The following MTHFD1L variants were observed in gnomAD, a reference collection of about 807,000 sequenced individuals.
MTHFD1L encodes monofunctional C1-tetrahydrofolate synthase, mitochondrial.
Under a neutral mutation model 119.5 loss-of-function variants are expected in MTHFD1L, and 81 were observed. That is an observed-to-expected ratio of 0.68 (90% CI 0.57 to 0.82). The LOEUF is 0.82. Among genes scored for constraint, MTHFD1L ranks in the 40% least tolerant of loss-of-function variants. The pLI, the probability that MTHFD1L is intolerant of heterozygous loss-of-function variation, is 0.00. For synonymous variants in MTHFD1L, 430 were observed against 475.2 expected (o/e 0.90, Z 1.24); for missense variants, 1,125 against 1,253.4 (o/e 0.90, Z 1.55).
intron 11 of MTHFD1L, chr6:150,935,255 G>A (rs1791857234): frequency 1.9e-6 from 3 of 1,611,926 alleles, no homozygotes; most frequent in Non-Finnish European, 2.5e-6. Context: ...AGATGGCATT[G>A]TATTTGTTGT....
chr6:150,971,234 T>C (rs1797960635), intron 19 of MTHFD1L, among the ~76,000 whole-genome samples: 1 of 152,174 alleles, frequency 6.6e-6, no homozygotes. Flanking sequence ...AGTCGGTCTG[T>C]CACCCACACT....
chr6:150,935,365 T>C (rs1360353873), intron 11 of MTHFD1L: 7 of 1,613,768 alleles, frequency 4.3e-6, no homozygotes, highest in Non-Finnish European at 5.9e-6. Flanking sequence ...TTATAGTTGC[T>C]AACAAACAAG....
intron 26 of MTHFD1L, among the ~76,000 whole-genome samples, chr6:151,068,851 C>G (rs746471490): frequency 1.3e-5 from 2 of 152,136 alleles, no homozygotes; most frequent in Non-Finnish European, 2.9e-5. Context: ...GAGGACTCAT[C>G]AATATCCCTA....
chr6:150,979,244 A>G (rs1342685749), intron 20 of MTHFD1L, among the ~76,000 whole-genome samples: 2 of 152,220 alleles, frequency 1.3e-5, no homozygotes, highest in African/African-American at 4.8e-5. Context: ...GTCTCAAAAA[A>G]ATAAGAAGAA....
intron 1 of MTHFD1L, among the ~76,000 whole-genome samples, chr6:150,874,746 A>G (rs939299085): frequency 6.6e-6 from 1 of 151,898 alleles, no homozygotes; most frequent in East Asian, 1.9e-4. Context: ...AAGGTTCCAT[A>G]AAGAGCTGAG....
intron 26 of MTHFD1L, among the ~76,000 whole-genome samples, chr6:151,059,107 C>G (rs890784704): frequency 1.3e-5 from 2 of 152,224 alleles, no homozygotes; most frequent in African/African-American, 4.8e-5. Context: ...CCTGCCCTGG[C>G]CACAGAGTGG....
At position 151,096,182 on chromosome 6, in the gene MTHFD1L, G is replaced by A. The variant is rs1202405900; in HGVS notation, c.*31+3595G>A. ...ATAATGAGGTAATTTTTTCTAATAA[G>A]TAAAGATAATTGTTTGGGTATTAAA... On this transcript the variant is annotated intron_variant, in intron 27 of 27. Transcript: ENST00000367321. 2.0e-5 allele frequency among the ~76,000 whole-genome samples: 3 copies of A among 152,154 alleles called. No individual in the cohort carries two copies. In the East Asian group the frequency reaches 5.8e-4, roughly 29 times the overall value.
intron 22 of MTHFD1L, 71 bp downstream of exon 22, chr6:151,013,891 T>G: frequency 3.0e-6 from 4 of 1,326,618 alleles, no homozygotes; most frequent in Non-Finnish European, 4.3e-6. Flanking sequence ...TTTCAGTGAA[T>G]GAGCCCTCCT....
intron 26 of MTHFD1L, among the ~76,000 whole-genome samples, chr6:151,059,336 C>T (rs1406907952): frequency 6.6e-6 from 1 of 151,902 alleles, no homozygotes; most frequent in Admixed American, 6.6e-5. Context: ...TGCGCCACCA[C>T]GCACAGCTAA....
At chr6:150,969,225 G>A (rs1181987610) in intron 19 of MTHFD1L, among the ~76,000 whole-genome samples, 2 of 152,126 alleles carry the variant, frequency 1.3e-5, no homozygotes, top group Admixed American at 6.5e-5. Flanking sequence ...CAGGTGATCC[G>A]TCTGCCTCTG....
At chr6:150,947,639 A>C (rs1286014834) in intron 15 of MTHFD1L, among the ~76,000 whole-genome samples, 1 of 151,922 alleles carries the variant, frequency 6.6e-6, no homozygotes, top group Non-Finnish European at 1.5e-5. Flanking sequence ...AATTAGGAAT[A>C]ACTTACTTTG....
chr6:151,022,388 G>A (rs1784060240), intron 24 of MTHFD1L: 1 of 199,576 alleles, frequency 5.0e-6, no homozygotes, highest in Non-Finnish European at 1.1e-5. Context: ...ATATACAGTG[G>A]GGGATCTTCC....
intron 24 of MTHFD1L, among the ~76,000 whole-genome samples, chr6:151,019,986 G>A (rs1263511425): frequency 1.3e-5 from 2 of 152,190 alleles, no homozygotes; most frequent in African/African-American, 2.4e-5. Flanking sequence ...CTTGGGTGCT[G>A]GGCAGTGAGA....
At chr6:151,010,391 ATTGT>A (rs1426613574) in intron 21 of MTHFD1L, among the ~76,000 whole-genome samples, 1 of 152,160 alleles carries the variant, frequency 6.6e-6, no homozygotes, top group African/African-American at 2.4e-5. Flanking sequence ...GAGATTTTTC[ATTGT>A]TTGTACAGAT....
At chr6:150,929,063 T>A (rs1246793509) in intron 11 of MTHFD1L, among the ~76,000 whole-genome samples, 1 of 152,156 alleles carries the variant, frequency 6.6e-6, no homozygotes, top group Non-Finnish European at 1.5e-5. Flanking sequence ...GGAAAGTTCC[T>A]GGCTGAGGGG....
At chr6:151,091,585 T>C (rs567658806) in intron 26 of MTHFD1L, among the ~76,000 whole-genome samples, 1 of 151,948 alleles carries the variant, frequency 6.6e-6, no homozygotes, top group South Asian at 2.1e-4. Context: ...CTTGAGCTCA[T>C]ACCCTCATGC....
intron 26 of MTHFD1L, among the ~76,000 whole-genome samples, chr6:151,048,643 T>C (rs1788482787): frequency 6.6e-6 from 1 of 152,206 alleles, no homozygotes; most frequent in Non-Finnish European, 1.5e-5. Flanking sequence ...CCACAAATCC[T>C]ATCTGCTCTT....
Position 150,964,990 on chromosome 6 carries a change from G to A in MTHFD1L, c.1966G>A (p.Val656Ile), listed in dbSNP as rs1796985277. 2 of 1,614,022 alleles carry A rather than the reference G, an allele frequency of 1.2e-6. No homozygotes were observed. Among genetic ancestry groups the A allele is most frequent in the South Asian group, 2.2e-5 (2 of 91,080 alleles). The stretch of plus-strand genomic sequence containing the variant: ...GTAGGGGGTGACAGGTGCTTTGACA[G>A]TTTTGATGAAAGATGCAATAAAACC... ...DDLGVTGALT[V>I]LMKDAIKPNL... is the part of the protein sequence containing the mutation. The change falls in exon 19 of 28, where the codon GTT (valine) becomes ATT (isoleucine). Residue 656 changes from valine to isoleucine, a missense_variant. Physicochemically the swap from Val to Ile is conservative, Grantham distance 29 (BLOSUM62 3). Coordinates refer to ENST00000367321, the MANE Select transcript of MTHFD1L (RefSeq NM_015440.5).
intron 4 of MTHFD1L, 120 bp downstream of exon 4, chr6:150,877,946 G>A: frequency 8.8e-7 from 1 of 1,138,826 alleles, no homozygotes; most frequent in Non-Finnish European, 1.3e-6. Flanking sequence ...CTGAATGTTA[G>A]AGGGAAGACT....
Sources: gnomAD v4.1 joint callset for allele counts (sites outside exome capture counted in the v4.1 genomes callset) on GRCh38, gnomAD v4.1.1 for gene constraint, MANE v1.5 for transcripts, NCBI Gene and HGNC (gene_info 2026-07-23, HGNC 2026-07-21) for gene names.